Variants in CACNG6 observed in about 807,000 individuals in gnomAD.
CACNG6 encodes the protein calcium voltage-gated channel auxiliary subunit gamma 6, also known as voltage-dependent calcium channel gamma-6 subunit.
CACNG6 carries 21 observed loss-of-function variants against 23.9 expected under a neutral mutation model. The ratio of observed to expected loss-of-function variants is 0.88; its 90% CI spans 0.62 to 1.26. The LOEUF is 1.26. Among genes scored for constraint, CACNG6 ranks in the 50% most tolerant of loss-of-function variants. The pLI is 0.00. For synonymous variants in CACNG6, 182 were observed against 168.9 expected, an observed-to-expected ratio of 1.08 and a Z score of -0.60; for missense variants, 340 against 352.9, an observed-to-expected ratio of 0.96 and a Z score of 0.29.
intron 3 of CACNG6, 89 bp from the exon 4 acceptor site, chr19:54,011,862 G>A: frequency 3.4e-6 from 3 of 877,516 alleles, no homozygotes; most frequent in Middle Eastern, 3.9e-4. Context: ...GTGCCAGGGT[G>A]GGCGGGAGGG....
chr19:54,005,636 C>T (rs895349970), intron 3 of CACNG6, among the ~76,000 whole-genome samples: 1 of 151,360 alleles, frequency 6.6e-6, no homozygotes, highest in Non-Finnish European at 1.5e-5. Context: ...GCCTGTAGTC[C>T]CAGCTACTAA....
chr19:54,000,780 A>C (rs1298570377), intron 3 of CACNG6, among the ~76,000 whole-genome samples: 1 of 152,114 alleles, frequency 6.6e-6, no homozygotes, highest in Non-Finnish European at 1.5e-5. Context: ...GGGTTTCACC[A>C]CATAAGCCAG....
chr19:54,010,654 T>C (rs111734137), intron 3 of CACNG6, among the ~76,000 whole-genome samples: 25 of 152,086 alleles, frequency 1.6e-4, no homozygotes, highest in African/African-American at 5.8e-4. Context: ...GGTTCACTGC[T>C]GCCTCATCCT....
intron 3 of CACNG6, among the ~76,000 whole-genome samples, chr19:54,001,419 C>T (rs968130416): frequency 6.6e-6 from 1 of 152,010 alleles, no homozygotes; most frequent in African/African-American, 2.4e-5. Context: ...CAACTCCTGA[C>T]CTCAAGTGAT....
chr19:54,010,084 G>A (rs1464443405), intron 3 of CACNG6, among the ~76,000 whole-genome samples: 1 of 130,656 alleles, frequency 7.7e-6, no homozygotes, highest in Non-Finnish European at 1.6e-5. Flanking sequence ...GCAATGGCGT[G>A]ATCTTGGCTC....
rs1042979812 is a variant in CACNG6 at position 53,993,146 on chromosome 19, G to C, written c.269G>C (p.Arg90Pro). Residue 90 changes from arginine to proline, a missense_variant, in exon 1 of 4, where the codon CGG (arginine) becomes CCG (proline). Physicochemically the swap from Arg to Pro is moderately radical, Grantham distance 103. Transcript: ENST00000252729. Reference protein sequence around the residue: ...HLGLWKACTKRLWQADVPVDR... With the variant: ...HLGLWKACTKPLWQADVPVDR... ...GGGCTGTGGAAGGCGTGCACCAAGC[G>C]GCTGTGGCAGGCGGACGTGCCCGTG... 6.5e-7 allele frequency: 1 copy of C among 1,546,646 alleles called. No individual in the cohort carries two copies. Among genetic ancestry groups the C allele is most frequent in the Admixed American group, 2.0e-5 (1 of 50,908 alleles).
intron 1 of CACNG6, among the ~76,000 whole-genome samples, chr19:53,996,456 C>T (rs2069522194): frequency 6.6e-6 from 1 of 151,404 alleles, no homozygotes; most frequent in African/African-American, 2.4e-5. Flanking sequence ...GCAGTGGTGC[C>T]ATCTCAGCTC....
Position 54,011,979 on chromosome 19 carries a change from G to A in CACNG6, c.573G>A (p.Val191=). ...TGCTGCTCTTGGTGAGCCTGGAGGT[G>A]TTCCGGCATTCCGTGAGGGCCCTGC... ...SGLLLLVSLE[V]FRHSVRALLQ... Residue 191 remains valine, a synonymous_variant, in exon 4 of 4, where the codon GTG becomes GTA. Transcript: ENST00000252729. 2 of 1,584,644 alleles carry A rather than the reference G, an allele frequency of 1.3e-6. No individual in the cohort carries two copies. The highest frequency in any genetic ancestry group is 1.7e-6 in the Non-Finnish European group (2 of 1,167,466).
At chr19:54,010,555 T>C (rs8111091) in intron 3 of CACNG6, among the ~76,000 whole-genome samples, 7,027 of 152,122 alleles carry the variant, frequency 0.046, 482 homozygotes, top group African/African-American at 0.15. Flanking sequence ...CCATTTCCCC[T>C]TTTTATTTTC....
Position 53,993,191 on chromosome 19 carries a change from C to T in CACNG6, c.314C>T (p.Pro105Leu). 6.5e-7 allele frequency: 1 copy of T among 1,541,526 alleles called. No homozygotes were observed. The highest frequency in any genetic ancestry group is 8.7e-7 in the Non-Finnish European group (1 of 1,145,782). The change falls in exon 1 of 4, where the codon CCC (proline) becomes CTC (leucine). Residue 105 changes from proline to leucine, a missense_variant. Physicochemically the swap from Pro to Leu is moderately conservative, Grantham distance 98. Coordinates refer to ENST00000252729, the MANE Select transcript of CACNG6 (RefSeq NM_145814.2). Reference sequence around the variant, plus strand: ...CCCGTGGACAGGGACACCTGCGGCCCCGCGGAGCTGCCCGGAGGTGAGCAG... The same window carrying T: ...CCCGTGGACAGGGACACCTGCGGCCTCGCGGAGCTGCCCGGAGGTGAGCAG... ...DVPVDRDTCG[P>L]AELPGEANCT...
intron 3 of CACNG6, among the ~76,000 whole-genome samples, chr19:54,004,464 C>T (rs1000535634): frequency 1.3e-5 from 2 of 151,144 alleles, no homozygotes; most frequent in African/African-American, 4.9e-5. Flanking sequence ...GTGATCTGCC[C>T]GCCTCAGCCT....
intron 2 of CACNG6, among the ~76,000 whole-genome samples, chr19:53,999,065 T>C (rs1313729886): frequency 6.6e-6 from 1 of 152,080 alleles, no homozygotes; most frequent in African/African-American, 2.4e-5. Flanking sequence ...TTTTTCACCA[T>C]GTTGGCCAGC....
chr19:54,009,781 T>C lies in CACNG6; in HGVS notation c.545-2170T>C, dbSNP rs201683182. On this transcript the variant is annotated intron_variant, in intron 3 of 3. Transcript: ENST00000252729. ...TTTCTTTTTCTTCTTTTTTGCTTTT[T>C]TTAAAAAAAAAAAATCAGCCTGTAA... 7.5e-3 allele frequency among the ~76,000 whole-genome samples: 618 copies of C among 82,176 alleles called. 16 individuals are homozygous for C. The East Asian group carries it at 0.14, about 19-fold the overall frequency. 53.9% of individuals were successfully genotyped at this position (82,176 alleles called of 152,430 possible). A position where few individuals can be genotyped will look rare whatever the true frequency, so the allele number is the denominator to read the frequency against.
At chr19:53,994,879 G>C (rs1325797774) in intron 1 of CACNG6, among the ~76,000 whole-genome samples, 2 of 152,160 alleles carry the variant, frequency 1.3e-5, no homozygotes, top group African/African-American at 4.8e-5. Context: ...GGCCCCTCAG[G>C]GGTCTCATAA....
At chr19:54,010,636 G>A (rs2069695850) in intron 3 of CACNG6, among the ~76,000 whole-genome samples, 1 of 152,034 alleles carries the variant, frequency 6.6e-6, no homozygotes, top group South Asian at 2.1e-4. Context: ...GTGTACTGGT[G>A]TGATCACGGT....
Position 54,006,849 on chromosome 19 carries a change from T to TTATTTTA in CACNG6, c.545-5101_545-5100insATTTTAT, listed in dbSNP as rs1487835262. 3.0e-3 allele frequency among the ~76,000 whole-genome samples: 389 copies of TTATTTTA among 128,614 alleles called. 2 individuals are homozygous for TTATTTTA. Among genetic ancestry groups the TTATTTTA allele is most frequent in the African/African-American group, 0.011 (361 of 33,854 alleles). 84.4% of individuals were successfully genotyped at this position (128,614 alleles called of 152,430 possible). ...TGTGCCCGGCCTTCTTTTTTTTATT[T>TTATTTTA]TGTTATTTTATTTTATTTTATTTTA... On this transcript the variant is annotated intron_variant, in intron 3 of 3. Coordinates refer to ENST00000252729, the MANE Select transcript of CACNG6 (RefSeq NM_145814.2).
chr19:54,005,209 A>AT lies in CACNG6; in HGVS notation c.544+5438_544+5439insT, dbSNP rs1305279951. 2.8e-3 allele frequency among the ~76,000 whole-genome samples: 319 copies of AT among 115,882 alleles called. 1 individual carries two copies. The highest frequency in any genetic ancestry group is 0.011 in the African/African-American group (300 of 27,786). The allele number at this position is 115,882 out of a possible 152,430, so 76.0% of individuals were successfully genotyped here. ...GGGCGACAGAGCGAGACTCCATCTC[A>AT]AAAATAAATAAATAAATAAATAAAT... On this transcript the variant is annotated intron_variant, in intron 3 of 3. Transcript: ENST00000252729.
chr19:54,002,436 T>C (rs1341009201), intron 3 of CACNG6, among the ~76,000 whole-genome samples: 1 of 151,254 alleles, frequency 6.6e-6, no homozygotes, highest in African/African-American at 2.4e-5. Context: ...CTTTTCTTTC[T>C]TTTCCACCCT....
chr19:53,996,280 G>A (rs2069519834), intron 1 of CACNG6, among the ~76,000 whole-genome samples: 1 of 152,038 alleles, frequency 6.6e-6, no homozygotes, highest in Admixed American at 6.6e-5. Context: ...AATTCTGAGG[G>A]AATTTCTGGG....
Sources: gnomAD v4.1 joint callset for allele counts (sites outside exome capture counted in the v4.1 genomes callset) on GRCh38, gnomAD v4.1.1 for gene constraint, MANE v1.5 for transcripts, NCBI Gene and HGNC (gene_info 2026-07-23, HGNC 2026-07-21) for gene names.